The following FLRT1 variants were observed in gnomAD, a reference collection of about 807,000 sequenced individuals.
FLRT1 encodes leucine-rich repeat transmembrane protein FLRT1.
FLRT1 carries 14 observed loss-of-function variants against 30.9 expected under a neutral mutation model. That is an observed-to-expected ratio of 0.45 (90% CI 0.30 to 0.71). The LOEUF (loss-of-function observed/expected upper bound fraction) is 0.71. Ranked by LOEUF, FLRT1 falls within the 30% of genes least tolerant of loss-of-function variation. FLRT1 has a pLI of 0.08. For missense variants in FLRT1, 737 were observed against 949.2 expected, an observed-to-expected ratio of 0.78 and a Z score of 2.94; for synonymous variants, 368 against 430.4, an observed-to-expected ratio of 0.85 and a Z score of 1.80.
intron 1 of FLRT1, among the ~76,000 whole-genome samples, chr11:64,053,995 T>C (rs1028320433): frequency 2.6e-5 from 4 of 152,142 alleles, no homozygotes; most frequent in African/African-American, 7.2e-5. Flanking sequence ...CTCTGCACTG[T>C]GATCTAGTTG....
Position 64,118,100 on chromosome 11 carries a change from C to A in FLRT1, c.1833C>A (p.Ile611=), listed in dbSNP as rs147439962. Residue 611 remains isoleucine, a synonymous_variant, in exon 3 of 3, where the codon ATC becomes ATA. Transcript: ENST00000682287. ...MESGTKKDNS[I]LEIRGPGLQM... ...CAGGGACCAAGAAGGATAACTCCAT[C>A]CTGGAAATCCGCGGCCCTGGGCTGC... is the stretch of plus-strand genomic sequence containing the variant. 1.1e-3 allele frequency: 1,828 copies of A among 1,611,512 alleles called. 11 individuals carry two copies. Among genetic ancestry groups the A allele is most frequent in the Middle Eastern group, 7.8e-3 (47 of 6,052 alleles).
intron 1 of FLRT1, among the ~76,000 whole-genome samples, chr11:64,089,762 C>G (rs1440547886): frequency 6.6e-6 from 1 of 152,098 alleles, no homozygotes; most frequent in Non-Finnish European, 1.5e-5. Context: ...CTGCCAGTCC[C>G]GTGGGGGCAG....
chr11:64,044,348 C>T (rs1294904730), intron 1 of FLRT1, among the ~76,000 whole-genome samples: 2 of 150,750 alleles, frequency 1.3e-5, no homozygotes, highest in East Asian at 3.9e-4. Flanking sequence ...AACTTTTGGG[C>T]TCAAGTGATC....
Position 64,103,777 on chromosome 11 carries a change from C to A in FLRT1, c.-454C>A, listed in dbSNP as rs80075235. 6,079 of 152,292 alleles carry A rather than the reference C, an allele frequency of 0.04. 158 individuals carry two copies. The highest frequency in any genetic ancestry group is 0.062 in the Non-Finnish European group (4,249 of 68,058). 9.4% of individuals were successfully genotyped at this position (152,292 alleles called of 1,614,324 possible). A position where few individuals can be genotyped will look rare whatever the true frequency, so the allele number is the denominator to read the frequency against. On this transcript the variant is annotated 5_prime_UTR_variant, in exon 2 of 3. Coordinates refer to ENST00000682287, the MANE Select transcript of FLRT1 (RefSeq NM_013280.5). The stretch of plus-strand genomic sequence containing the variant: ...TGCCCGACGAACAGGGAGTCGGAAC[C>A]CCCTCAGGCCACCCTCGGGAGTCCT...
At chr11:64,054,970 C>T (rs1048322106) in intron 1 of FLRT1, among the ~76,000 whole-genome samples, 1 of 152,162 alleles carries the variant, frequency 6.6e-6, no homozygotes, top group African/African-American at 2.4e-5. Flanking sequence ...TCAGGATCTC[C>T]TACCAGCCCT....
At chr11:64,080,153 C>T (rs1944277685) in intron 1 of FLRT1, among the ~76,000 whole-genome samples, 1 of 152,180 alleles carries the variant, frequency 6.6e-6, no homozygotes, top group Non-Finnish European at 1.5e-5. Context: ...GCGGGGATTA[C>T]AGGCGTGCGC....
intron 1 of FLRT1, among the ~76,000 whole-genome samples, chr11:64,059,020 G>T (rs919475331): frequency 4.6e-5 from 7 of 152,214 alleles, no homozygotes; most frequent in African/African-American, 1.7e-4. Context: ...ATGGGCTGAG[G>T]AGTGCCTGAT....
In FLRT1 at chr11:64,044,563, C is replaced by T. The variant is rs190385495; in HGVS notation, c.-1038+8404C>T. 7.2e-5 allele frequency among the ~76,000 whole-genome samples: 11 copies of T among 152,258 alleles called. No individual in the cohort carries two copies. The East Asian group carries it at 2.1e-3, about 29-fold the overall frequency. On this transcript the variant is annotated intron_variant, in intron 1 of 2. Transcript: ENST00000682287. Reference sequence around the variant, plus strand: ...CTCCCAGCAACTTCTGAAGTAGGCACTATTATTATCCTGATTTTACCCCAG... The same window carrying T: ...CTCCCAGCAACTTCTGAAGTAGGCATTATTATTATCCTGATTTTACCCCAG...
Position 64,096,725 on chromosome 11 carries a change from C to G in FLRT1, c.-1037-6469C>G, listed in dbSNP as rs921664497. On this transcript the variant is annotated intron_variant, in intron 1 of 2. Transcript: ENST00000682287. The surrounding 1 kb of genome is among the most constrained non-coding windows in gnomAD (Gnocchi z 4.6). ...AGCCACCGCACCCTACCCTCTCCCCCTTTTGTGCCTAGAGTTGCTCTGTGA... is the reference window on the plus strand; with the variant it reads ...AGCCACCGCACCCTACCCTCTCCCCGTTTTGTGCCTAGAGTTGCTCTGTGA... 1.3e-5 allele frequency among the ~76,000 whole-genome samples: 2 copies of G among 152,216 alleles called. No homozygotes were observed. Among genetic ancestry groups the G allele is most frequent in the Admixed American group, 6.5e-5 (1 of 15,276 alleles).
chr11:64,098,205 C>A (rs1158761166), intron 1 of FLRT1, among the ~76,000 whole-genome samples: 1 of 152,176 alleles, frequency 6.6e-6, no homozygotes, highest in Non-Finnish European at 1.5e-5. Flanking sequence ...CTCACAGCCT[C>A]CCCCCTGCCC....
chr11:64,101,526 C>G (rs563325681), intron 1 of FLRT1, among the ~76,000 whole-genome samples: 1 of 152,186 alleles, frequency 6.6e-6, no homozygotes, highest in African/African-American at 2.4e-5. Context: ...GCCCGCTGCC[C>G]CTGCCCCACC....
At chr11:64,107,387 T>C (rs1004296683) in intron 2 of FLRT1, among the ~76,000 whole-genome samples, 5 of 151,038 alleles carry the variant, frequency 3.3e-5, no homozygotes. Context: ...AACACTGTTA[T>C]CAATATAATT....
chr11:64,085,034 C>T (rs559255751), intron 1 of FLRT1, among the ~76,000 whole-genome samples: 7 of 152,310 alleles, frequency 4.6e-5, no homozygotes, highest in African/African-American at 1.4e-4. Context: ...CCCCATTTTA[C>T]AGATAAAGAA....
chr11:64,097,735 C>T (rs936545971), intron 1 of FLRT1, among the ~76,000 whole-genome samples: 3 of 152,182 alleles, frequency 2.0e-5, no homozygotes, highest in African/African-American at 7.2e-5. Context: ...AGCCTGGGGG[C>T]CCGGAGCGAG....
At position 64,118,219 on chromosome 11, in the gene FLRT1, A is replaced by G. The variant is rs528544288; in HGVS notation, c.1952A>G (p.His651Arg). The G allele has an allele frequency of 2.5e-6, 4 of 1,613,058 alleles. No individual in the cohort carries two copies. In the Admixed American group the frequency reaches 6.7e-5, roughly 27 times the overall value. The change falls in exon 3 of 3, where the codon CAC becomes CGC. Residue 651 changes from histidine to arginine, a missense_variant. Transcript: ENST00000682287. ...GGCAGCAGCCTCTGCAAGGCCACAC[A>G]CACCATTGGCTACGGCACCACGCGG... ...SNGSSLCKATHTIGYGTTRGY... is the reference protein window; with the variant it reads ...SNGSSLCKATRTIGYGTTRGY...
chr11:64,078,355 G>T (rs756027176), intron 1 of FLRT1, among the ~76,000 whole-genome samples: 1 of 152,210 alleles, frequency 6.6e-6, no homozygotes, highest in African/African-American at 2.4e-5. Context: ...TCCCTGGCCC[G>T]TCTGCGTTCA....
chr11:64,087,983 G>C (rs972907861), intron 1 of FLRT1, among the ~76,000 whole-genome samples: 1 of 152,216 alleles, frequency 6.6e-6, no homozygotes, highest in South Asian at 2.1e-4. Context: ...CCAGAGCTGG[G>C]AGGGCCTCGA....
rs147840957 is a variant in FLRT1, at chr11:64,062,342, G to A, written c.-1038+26183G>A. Among the ~76,000 whole-genome samples, 8 of 152,284 alleles carry A rather than the reference G, an allele frequency of 5.3e-5. No homozygotes were observed. The South Asian group carries it at 1.2e-3, about 24-fold the overall frequency. On this transcript the variant is annotated intron_variant, in intron 1 of 2. Transcript: ENST00000682287. ...GGGTGTCTCCCAGAGGGAGTCCTGC[G>A]TCTGTGGCTGGCTCAGACATATGCA...
intron 2 of FLRT1, among the ~76,000 whole-genome samples, chr11:64,107,989 C>G (rs1392969158): frequency 3.3e-5 from 5 of 152,090 alleles, no homozygotes; most frequent in Admixed American, 6.5e-5. Flanking sequence ...TTGAAAGTAA[C>G]CTTATTTTAT....
Sources: allele counts gnomAD v4.1 joint callset (sites outside exome capture counted in the v4.1 genomes callset), GRCh38; gene constraint gnomAD v4.1.1; non-coding constraint Gnocchi (gnomAD v3.1); transcripts MANE v1.5; gene names NCBI Gene and HGNC (gene_info 2026-07-23, HGNC 2026-07-21).